LBR: variants seen among roughly 807,000 people sequenced by gnomAD.
LBR encodes the protein lamin B receptor.
LBR carries 28 observed loss-of-function variants against 74.3 expected under a neutral mutation model. The observed-to-expected ratio is 0.38, with a 90% CI of 0.28 to 0.52. LBR has a LOEUF of 0.52. Ranked by LOEUF, LBR falls within the 20% of genes least tolerant of loss-of-function variation. LBR has a pLI of 0.89. For missense variants in LBR, 717 were observed against 760.3 expected (o/e 0.94, Z 0.67); for synonymous variants, 228 against 269.3 (o/e 0.85, Z 1.50).
At position 225,406,664 on chromosome 1, in the gene LBR, G is replaced by A. The variant is rs541202772; in HGVS notation, c.1483C>T (p.Leu495Phe). 25 of 1,609,194 alleles carry A rather than the reference G, an allele frequency of 1.6e-5. 1 individual carries two copies. The South Asian group carries it at 1.7e-4, about 11-fold the overall frequency. ...PMASLIIVLK[L>F]CGYVIFRGAN... is the part of the protein sequence containing the mutation. Reference sequence around the variant, plus strand: ...AACTGAGACTAAAATTAATACTCACGTTTCAGAACAATAATTAGAGAAGCC... The same window carrying A: ...AACTGAGACTAAAATTAATACTCACATTTCAGAACAATAATTAGAGAAGCC... Residue 495 changes from leucine to phenylalanine, a missense_variant and splice_region_variant, in exon 11 of 14, where the codon CTT (leucine) becomes TTT (phenylalanine). Coordinates refer to ENST00000272163, the MANE Select transcript of LBR (RefSeq NM_002296.4).
chr1:225,412,308 C>T (rs1046771154), intron 8 of LBR, 146 bp downstream of exon 8: 13 of 729,410 alleles, frequency 1.8e-5, no homozygotes, highest in East Asian at 1.3e-4. Context: ...ATCTCTTTAA[C>T]GTTTTTCTTC....
At position 225,419,757 on chromosome 1, in the gene LBR, A is replaced by G. The variant is rs1255084945; in HGVS notation, c.408T>C (p.Pro136=). 1.9e-6 allele frequency: 3 copies of G among 1,612,734 alleles called. No individual in the cohort carries two copies. The highest frequency in any genetic ancestry group is 2.5e-6 in the Non-Finnish European group (3 of 1,179,076). The part of the protein sequence containing the change: ...GNSISRYNGE[P]EHIERNDAPH... ...GTGCGTCATTTCTCTCAATATGCTC[A>G]GGCTCCCCATTATATCTGCTGATGC... The change falls in exon 4 of 14, where the codon CCT becomes CCC. Residue 136 remains proline, a synonymous_variant. Transcript: ENST00000272163.
chr1:225,408,490 G>A (rs2096097123), intron 10 of LBR, among the ~76,000 whole-genome samples: 2 of 152,206 alleles, frequency 1.3e-5, no homozygotes, highest in African/African-American at 4.8e-5. Flanking sequence ...TGAGCCCCAA[G>A]GCTTTCACAG....
At position 225,412,665 on chromosome 1, in the gene LBR, A is replaced by G. The variant is rs78921255; in HGVS notation, c.893-20T>C. 4 of 1,547,892 alleles carry G rather than the reference A, an allele frequency of 2.6e-6. No individual in the cohort carries two copies. Among genetic ancestry groups the G allele is most frequent in the South Asian group, 1.2e-5 (1 of 86,070 alleles). On this transcript the variant is annotated intron_variant, in intron 7 of 13. Coordinates refer to ENST00000272163, the MANE Select transcript of LBR (RefSeq NM_002296.4). Reference sequence around the variant, plus strand: ...AGAATCCTTTAAAAAAAAAAAAAAAAGGAAGTGGAAAATTAATATTAACCC... The same window carrying G: ...AGAATCCTTTAAAAAAAAAAAAAAAGGGAAGTGGAAAATTAATATTAACCC...
At position 225,419,394 on chromosome 1, in the gene LBR, G is replaced by C. The variant is rs777823620; in HGVS notation, c.509C>G (p.Pro170Arg). 1 of 1,613,418 alleles carries C rather than the reference G, an allele frequency of 6.2e-7. No homozygotes were observed. The highest frequency in any genetic ancestry group is 8.5e-7 in the Non-Finnish European group (1 of 1,179,386). Reference protein sequence around the residue: ...SYIATQYSLRPRREEVKLKEI... With the variant: ...SYIATQYSLRRRREEVKLKEI... ...TTTTAATTTGACTTCTTCTCTTCTTGGACGAAGGCTATACTGTGTTGCTAT... is the reference window on the plus strand; with the variant it reads ...TTTTAATTTGACTTCTTCTCTTCTTCGACGAAGGCTATACTGTGTTGCTAT... The change falls in exon 5 of 14, where the codon CCA (proline) becomes CGA (arginine). Residue 170 changes from proline to arginine, a missense_variant. Coordinates refer to ENST00000272163, the MANE Select transcript of LBR (RefSeq NM_002296.4).
intron 6 of LBR, chr1:225,417,631 C>T (rs963083884): frequency 3.4e-5 from 7 of 204,696 alleles, no homozygotes; most frequent in African/African-American, 1.6e-4. Context: ...TCCATAGCAA[C>T]CTCCACTGAG....
chr1:225,412,104 C>G (rs1031792017), intron 8 of LBR, among the ~76,000 whole-genome samples: 24 of 152,222 alleles, frequency 1.6e-4, no homozygotes, highest in African/African-American at 5.3e-4. Flanking sequence ...GCCACCTCAC[C>G]CGGCCAGTAA....
At chr1:225,424,205 A>C in intron 1 of LBR, 116 bp from the exon 2 acceptor site, 1 of 809,768 alleles carries the variant, frequency 1.2e-6, no homozygotes, top group Non-Finnish European at 2.2e-6. Flanking sequence ...TCAGGATTTT[A>C]GGGCCAGAAA....
At chr1:225,405,305 G>A (rs2096089204) in intron 11 of LBR, among the ~76,000 whole-genome samples, 1 of 152,156 alleles carries the variant, frequency 6.6e-6, no homozygotes, top group Non-Finnish European at 1.5e-5. Context: ...CTATTATATA[G>A]TCGATCCTCA....
intron 5 of LBR, 152 bp from the exon 6 acceptor site, chr1:225,418,332 T>C: frequency 1.3e-6 from 1 of 747,506 alleles, no homozygotes; most frequent in East Asian, 2.7e-5. Context: ...CATCTCTACC[T>C]GTCACCTCTG....
chr1:225,426,508 C>T (rs1421286313), intron 1 of LBR, among the ~76,000 whole-genome samples: 2 of 152,204 alleles, frequency 1.3e-5, no homozygotes, highest in Admixed American at 6.5e-5. Context: ...AAGCCAGATG[C>T]CCGCTAACTT....
intron 1 of LBR, among the ~76,000 whole-genome samples, chr1:225,426,364 G>C (rs528750604): frequency 5.3e-5 from 8 of 152,358 alleles, no homozygotes; most frequent in African/African-American, 1.9e-4. Context: ...CAGGAGTCAA[G>C]ATACACACAG....
intron 2 of LBR, among the ~76,000 whole-genome samples, chr1:225,423,199 C>CT (rs1329662732): frequency 6.6e-6 from 1 of 152,154 alleles, no homozygotes; most frequent in African/African-American, 2.4e-5. Flanking sequence ...TGTGAGTCGT[C>CT]TATTGTGTAT....
Position 225,403,479 on chromosome 1 carries a change from G to A in LBR, c.1688-16C>T, listed in dbSNP as rs2096085413. The A allele has an allele frequency of 6.4e-7, 1 of 1,558,332 alleles. No homozygotes were observed. Among genetic ancestry groups the A allele is most frequent in the Non-Finnish European group, 8.9e-7 (1 of 1,129,426 alleles). On this transcript the variant is annotated splice_polypyrimidine_tract_variant and intron_variant, in intron 13 of 13. Transcript: ENST00000272163. ...TGGTTAAAACCTGTGGATAATAATA[G>A]TACACAGTATTAGATATTTTTATTA... is the stretch of plus-strand genomic sequence containing the variant.
chr1:225,422,678 C>A (rs999609770), intron 2 of LBR, among the ~76,000 whole-genome samples: 1 of 151,108 alleles, frequency 6.6e-6, no homozygotes, highest in Non-Finnish European at 1.5e-5. Context: ...GAACAAAACA[C>A]ATAAGCAGAT....
Position 225,424,185 on chromosome 1 carries a change from A to T in LBR, c.-14-96T>A, listed in dbSNP as rs1053291287. On this transcript the variant is annotated intron_variant, in intron 1 of 13. Coordinates refer to ENST00000272163, the MANE Select transcript of LBR (RefSeq NM_002296.4). ...TGATCACTAAAATACAACTTTCCAGAATTGACTGGTCAGGATTTTAGGGCC... is the reference window on the plus strand; with the variant it reads ...TGATCACTAAAATACAACTTTCCAGTATTGACTGGTCAGGATTTTAGGGCC... The T allele has an allele frequency of 4.2e-6, 4 of 961,076 alleles. No individual in the cohort carries two copies. In the African/African-American group the frequency reaches 4.8e-5, roughly 12 times the overall value. 59.5% of individuals were successfully genotyped at this position (961,076 alleles called of 1,614,324 possible). A position where few individuals can be genotyped will look rare whatever the true frequency, so the allele number is the denominator to read the frequency against.
chr1:225,414,696 A>G (rs546777115), intron 7 of LBR, among the ~76,000 whole-genome samples: 6 of 152,368 alleles, frequency 3.9e-5, no homozygotes, highest in African/African-American at 1.4e-4. Context: ...GTCCTAGCCC[A>G]TGAAGCCACA....
rs2096144413 is a variant in LBR, at chr1:225,428,033, G to C, written c.-94C>G. 2 of 151,946 alleles carry C rather than the reference G, an allele frequency of 1.3e-5. No individual in the cohort carries two copies. Among genetic ancestry groups the C allele is most frequent in the African/African-American group, 4.8e-5 (2 of 41,384 alleles). The allele number at this position is 151,946 out of a possible 1,614,324, so 9.4% of individuals were successfully genotyped here. ...AACCCGGCGGCAGATCCACGCGCGC[G>C]ACGCTACCCGGCCGCGCTCTCGCGC... On this transcript the variant is annotated 5_prime_UTR_variant, in exon 1 of 14. Transcript: ENST00000272163.
At chr1:225,417,723 T>A in intron 6 of LBR, 1 of 334,628 alleles carries the variant, frequency 3.0e-6, no homozygotes, top group South Asian at 5.2e-5. Flanking sequence ...GATTTTTTTT[T>A]AAGTTCCTCC....
Sources: allele counts gnomAD v4.1 joint callset (sites outside exome capture counted in the v4.1 genomes callset), GRCh38; gene constraint gnomAD v4.1.1; transcripts MANE v1.5; gene names NCBI Gene and HGNC (gene_info 2026-07-23, HGNC 2026-07-21).